DCLK2: variants seen among roughly 807,000 people sequenced by gnomAD.
DCLK2 encodes the protein serine/threonine-protein kinase DCLK2.
A neutral mutation model predicts 78.4 loss-of-function variants in DCLK2; 31 were observed. That is an observed-to-expected ratio of 0.40 (90% confidence interval 0.30 to 0.53). The LOEUF (loss-of-function observed/expected upper bound fraction) is 0.53, where lower values mean the gene tolerates loss of function less well. Ranked by LOEUF, DCLK2 falls within the 20% of genes least tolerant of loss-of-function variation. DCLK2 has a pLI of 0.61. For synonymous variants in DCLK2, 407 were observed against 374.9 expected (o/e 1.09, Z -0.99); for missense variants, 872 against 973.7 (o/e 0.90, Z 1.39).
intron 1 of DCLK2, among the ~76,000 whole-genome samples, chr4:150,088,865 C>T (rs1729837234): frequency 6.6e-6 from 1 of 152,158 alleles, no homozygotes; most frequent in African/African-American, 2.4e-5. Context: ...ATGCCCAGTT[C>T]CCCCACGAAA....
In DCLK2 at chr4:150,078,778, C is replaced by T. The variant is rs923137788; in HGVS notation, c.-250C>T. ...CGGGGGCGTGGGGCTCCCCGGCAGG[C>T]GGGAGGCACGGAGCAAGTCGCACTG... On this transcript the variant is annotated 5_prime_UTR_variant, in exon 1 of 16. Coordinates refer to ENST00000296550, the MANE Select transcript of DCLK2 (RefSeq NM_001040260.4). 56 of 358,532 alleles carry T rather than the reference C, an allele frequency of 1.6e-4. No homozygotes were observed. Among genetic ancestry groups the T allele is most frequent in the African/African-American group, 1.1e-3 (52 of 47,722 alleles). 22.2% of individuals were successfully genotyped at this position (358,532 alleles called of 1,614,324 possible).
chr4:150,194,814 A>G (rs1738742328), intron 3 of DCLK2, among the ~76,000 whole-genome samples: 1 of 152,130 alleles, frequency 6.6e-6, no homozygotes, highest in African/African-American at 2.4e-5. Flanking sequence ...CTGTACTACC[A>G]AACAAATACA....
intron 1 of DCLK2, among the ~76,000 whole-genome samples, chr4:150,099,007 A>T (rs1380341397): frequency 6.6e-6 from 1 of 151,750 alleles, no homozygotes; most frequent in Non-Finnish European, 1.5e-5. Flanking sequence ...TCACACTGTT[A>T]TTTTTATATT....
intron 3 of DCLK2, 78 bp from the exon 4 acceptor site, chr4:150,197,924 A>C (rs13435901): frequency 0.2 from 226,927 of 1,120,198 alleles, 24,430 homozygotes; most frequent in Non-Finnish European, 0.23. Flanking sequence ...AGTTCTGGTC[A>C]GTAAACAATT....
intron 1 of DCLK2, among the ~76,000 whole-genome samples, chr4:150,099,794 T>C (rs1730761730): frequency 6.6e-6 from 1 of 152,190 alleles, no homozygotes; most frequent in South Asian, 2.1e-4. Flanking sequence ...TGAACTGTTA[T>C]TTGTGTCTGC....
At chr4:150,161,944 A>G (rs181135616) in intron 2 of DCLK2, among the ~76,000 whole-genome samples, 1 of 152,246 alleles carries the variant, frequency 6.6e-6, no homozygotes, top group African/African-American at 2.4e-5. Context: ...AGTTCTTCCC[A>G]GGATTGGTCA....
chr4:150,102,848 T>C (rs1290564746), intron 2 of DCLK2, 36 bp downstream of exon 2: 2 of 1,543,842 alleles, frequency 1.3e-6, no homozygotes, highest in Non-Finnish European at 1.7e-6. Flanking sequence ...TCCATCTGAC[T>C]TTTAAACTCC....
Position 150,256,633 on chromosome 4 carries a change from T to G in DCLK2, c.*386T>G. The G allele has an allele frequency of 4.3e-5, 8 of 187,988 alleles. No homozygotes were observed. Among genetic ancestry groups the G allele is most frequent in the African/African-American group, 2.3e-5 (1 of 42,718 alleles). The allele number at this position is 187,988 out of a possible 1,614,324, so 11.6% of individuals were successfully genotyped here. On this transcript the variant is annotated 3_prime_UTR_variant, in exon 16 of 16. Transcript: ENST00000296550. ...AACACTTTGGATGAACCAAGGCCTTTTCCTTATTTAAGTAGACTCAGAACA... is the reference window on the plus strand; with the variant it reads ...AACACTTTGGATGAACCAAGGCCTTGTCCTTATTTAAGTAGACTCAGAACA...
rs1356613154 is a variant in DCLK2, at chr4:150,175,044, T to TTATA, written c.757-18090_757-18087dup. On this transcript the variant is annotated intron_variant, in intron 2 of 15. Coordinates refer to ENST00000296550, the MANE Select transcript of DCLK2 (RefSeq NM_001040260.4). ...TATATATATATATATTTATATATAT[T>TTATA]TATATATTTATATATATATTTATAT... 1.7e-4 allele frequency among the ~76,000 whole-genome samples: 6 copies of TTATA among 34,410 alleles called. 2 individuals carry two copies. Among genetic ancestry groups the TTATA allele is most frequent in the African/African-American group, 6.0e-4 (6 of 10,082 alleles). The allele number at this position is 34,410 out of a possible 152,430, so 22.6% of individuals were successfully genotyped here.
chr4:150,094,444 T>C (rs1006431024), intron 1 of DCLK2, among the ~76,000 whole-genome samples: 3 of 152,244 alleles, frequency 2.0e-5, no homozygotes. Context: ...CAAAGTGCGC[T>C]TGGACTCTTG....
At chr4:150,159,681 A>G (rs1342789669) in intron 2 of DCLK2, among the ~76,000 whole-genome samples, 2 of 152,216 alleles carry the variant, frequency 1.3e-5, no homozygotes, top group African/African-American at 4.8e-5. Context: ...GCCTTTCCCA[A>G]TTTGCACGAA....
At chr4:150,241,866 T>A (rs1384613385) in intron 12 of DCLK2, among the ~76,000 whole-genome samples, 3 of 152,172 alleles carry the variant, frequency 2.0e-5, no homozygotes, top group Non-Finnish European at 4.4e-5. Flanking sequence ...AGCTCCACCC[T>A]TAACAATAGC....
intron 4 of DCLK2, among the ~76,000 whole-genome samples, chr4:150,198,833 C>A (rs1372105237): frequency 6.6e-6 from 1 of 151,436 alleles, no homozygotes; most frequent in Non-Finnish European, 1.5e-5. Context: ...GTATCAATAA[C>A]AATGGCCTCA....
chr4:150,094,374 A>G (rs1730312970), intron 1 of DCLK2, among the ~76,000 whole-genome samples: 1 of 152,238 alleles, frequency 6.6e-6, no homozygotes, highest in African/African-American at 2.4e-5. Context: ...CAACTGTTTA[A>G]AAAAGAGTAT....
chr4:150,250,201 T>G (rs1284127724), intron 15 of DCLK2, among the ~76,000 whole-genome samples: 1 of 152,170 alleles, frequency 6.6e-6, no homozygotes, highest in East Asian at 1.9e-4. Context: ...TATATATTCA[T>G]TTTTCAGGGT....
At chr4:150,183,927 T>G (rs1737714960) in intron 2 of DCLK2, among the ~76,000 whole-genome samples, 1 of 151,514 alleles carries the variant, frequency 6.6e-6, no homozygotes, top group Non-Finnish European at 1.5e-5. Context: ...AGTGATGGAG[T>G]TTCTCCATGT....
intron 5 of DCLK2, among the ~76,000 whole-genome samples, chr4:150,215,581 C>T (rs1249139941): frequency 6.6e-6 from 1 of 152,196 alleles, no homozygotes; most frequent in Non-Finnish European, 1.5e-5. Flanking sequence ...TGGGGGAAGG[C>T]ATGCATAGCT....
In DCLK2 at chr4:150,256,105, C is replaced by T. The variant is rs781770815; in HGVS notation, c.2159C>T (p.Pro720Leu). Residue 720 changes from proline (P) to leucine (L), a missense_variant, in exon 16 of 16, where the codon CCA becomes CTA. Physicochemically the swap from Pro to Leu is moderately conservative, Grantham distance 98. Transcript: ENST00000296550. ...SGRPGMEPISPVPPSVEEIPV... is the reference protein window; with the variant it reads ...SGRPGMEPISLVPPSVEEIPV... Reference sequence around the variant, plus strand: ...AGGCCTGGGATGGAGCCCATCTCTCCAGTTCCTCCCTCAGTGGAGGAGATC... The same window carrying T: ...AGGCCTGGGATGGAGCCCATCTCTCTAGTTCCTCCCTCAGTGGAGGAGATC... The T allele has an allele frequency of 1.1e-5, 17 of 1,613,126 alleles. No homozygotes were observed. In the Admixed American group the frequency reaches 2.7e-4, roughly 25 times the overall value.
intron 2 of DCLK2, among the ~76,000 whole-genome samples, chr4:150,186,555 T>C (rs1365649911): frequency 6.6e-6 from 1 of 152,242 alleles, no homozygotes; most frequent in Non-Finnish European, 1.5e-5. Context: ...GCTTCTTGTC[T>C]TTTATTTATG....
Sources: gnomAD v4.1 joint callset for allele counts (sites outside exome capture counted in the v4.1 genomes callset) on GRCh38, gnomAD v4.1.1 for gene constraint, MANE v1.5 for transcripts, NCBI Gene and HGNC (gene_info 2026-07-23, HGNC 2026-07-21) for gene names.